The following TRIM26 variants were observed in gnomAD, a reference collection of about 807,000 sequenced individuals.
The protein encoded by TRIM26 is tripartite motif-containing protein 26.
TRIM26 carries 16 observed loss-of-function variants against 45.5 expected under a neutral mutation model. The ratio of observed to expected loss-of-function variants is 0.35; its 90% CI spans 0.24 to 0.53. The LOEUF is 0.53. Ranked by LOEUF, TRIM26 falls within the 20% of genes least tolerant of loss-of-function variation. The pLI, the probability that TRIM26 is intolerant of heterozygous loss-of-function variation, is 0.92. For synonymous variants in TRIM26, 273 were observed against 290.4 expected, an observed-to-expected ratio of 0.94 and a Z score of 0.61; for missense variants, 442 against 691.1, an observed-to-expected ratio of 0.64 and a Z score of 4.04.
chr6:30,202,151 T>C (rs1777244384), intron 2 of TRIM26, among the ~76,000 whole-genome samples: 1 of 141,958 alleles, frequency 7.0e-6, no homozygotes, highest in African/African-American at 2.8e-5. Flanking sequence ...AAAAGGACTA[T>C]GAAGAGCTCA....
intron 6 of TRIM26, among the ~76,000 whole-genome samples, chr6:30,195,852 GGTAA>G (rs1196111495): frequency 2.6e-5 from 4 of 152,136 alleles, no homozygotes; most frequent in African/African-American, 9.7e-5. Flanking sequence ...CCCTCTTCAG[GGTAA>G]GTGTGATCCC....
chr6:30,204,989 C>G (rs1184184088), intron 1 of TRIM26, among the ~76,000 whole-genome samples: 1 of 152,060 alleles, frequency 6.6e-6, no homozygotes, highest in Non-Finnish European at 1.5e-5. Context: ...TGCCTGTAAT[C>G]CTAGCACTCT....
In TRIM26 at chr6:30,190,627, C is replaced by T. The variant is rs1435572033; in HGVS notation, c.766-592G>A. On this transcript the variant is annotated intron_variant, in intron 6 of 9. Coordinates refer to ENST00000454678, the MANE Select transcript of TRIM26 (RefSeq NM_003449.5). This position sits in a 1 kb window ranked among gnomAD's most constrained non-coding sequence, Gnocchi z 4.3. ...CCTACGACAAGGTCTGGTCATGAGA[C>T]TAAGTTCCAGCCAATGGAATGTGAT... 1.3e-5 allele frequency among the ~76,000 whole-genome samples: 2 copies of T among 152,182 alleles called. No individual in the cohort carries two copies. Among genetic ancestry groups the T allele is most frequent in the Non-Finnish European group, 1.5e-5 (1 of 68,028 alleles).
chr6:30,201,302 T>C (rs959139846), intron 2 of TRIM26, among the ~76,000 whole-genome samples, 164 bp from the exon 3 acceptor site: 5 of 152,312 alleles, frequency 3.3e-5, no homozygotes, highest in African/African-American at 9.6e-5. Flanking sequence ...CGTCCACTCA[T>C]TGAGGGTCTA....
At position 30,189,658 on chromosome 6, in the gene TRIM26, A is replaced by T. The variant is rs2127486875; in HGVS notation, c.789-125T>A. ...AGGTATGATTATCCCCAAACAAGTG[A>T]CAGAAAAACAGTGGCCCAAAGACAC... On this transcript the variant is annotated intron_variant, in intron 7 of 9. Transcript: ENST00000454678. This position sits in a 1 kb window ranked among gnomAD's most constrained non-coding sequence, Gnocchi z 5.0. The T allele has an allele frequency of 1.2e-6, 1 of 835,770 alleles. No individual in the cohort carries two copies. The highest frequency in any genetic ancestry group is 1.7e-5 in the African/African-American group (1 of 59,276). The allele number at this position is 835,770 out of a possible 1,614,324, so 51.8% of individuals were successfully genotyped here.
chr6:30,187,437 T>C (rs1775305685), intron 9 of TRIM26: 30 of 497,434 alleles, frequency 6.0e-5, no homozygotes, highest in South Asian at 4.5e-4. Flanking sequence ...CTCCAGGTTA[T>C]GATAAAGCTC....
Position 30,184,761 on chromosome 6 carries a change from C to G in TRIM26, c.*1115G>C, listed in dbSNP as rs562968978. The stretch of plus-strand genomic sequence containing the variant: ...GCACTTGGAATGGGTAAGGACAAGA[C>G]TGGGAGATCAATTTGGCTGGAGCAG... On this transcript the variant is annotated 3_prime_UTR_variant, in exon 10 of 10. Transcript: ENST00000454678. 6.5e-6 allele frequency: 1 copy of G among 153,268 alleles called. No homozygotes were observed. Among genetic ancestry groups the G allele is most frequent in the East Asian group, 1.9e-4 (1 of 5,194 alleles). 9.5% of individuals were successfully genotyped at this position (153,268 alleles called of 1,614,324 possible).
At chr6:30,210,634 T>C (rs1778192572) in intron 1 of TRIM26, among the ~76,000 whole-genome samples, 1 of 152,204 alleles carries the variant, frequency 6.6e-6, no homozygotes, top group South Asian at 2.1e-4. Context: ...CCCCAGTGGA[T>C]GTCTGAAACC....
rs779145805 is a variant in TRIM26, at chr6:30,196,382, C to G, written c.765+134G>C. 5 of 783,212 alleles carry G rather than the reference C, an allele frequency of 6.4e-6. No homozygotes were observed. Among genetic ancestry groups the G allele is most frequent in the Non-Finnish European group, 1.0e-5 (5 of 491,148 alleles). The allele number at this position is 783,212 out of a possible 1,614,324, so 48.5% of individuals were successfully genotyped here. ...ATGCAATCTACAGACTAATTGGCAGCAGTAAGGATTATCATCTCCATGTTT... is the reference window on the plus strand; with the variant it reads ...ATGCAATCTACAGACTAATTGGCAGGAGTAAGGATTATCATCTCCATGTTT... On this transcript the variant is annotated intron_variant, in intron 6 of 9. Transcript: ENST00000454678. This position sits in a 1 kb window ranked among gnomAD's most constrained non-coding sequence, Gnocchi z 4.9.
intron 2 of TRIM26, among the ~76,000 whole-genome samples, chr6:30,202,138 A>C (rs547225681): frequency 6.9e-6 from 1 of 144,276 alleles, no homozygotes; most frequent in Non-Finnish European, 1.5e-5. Flanking sequence ...AAATAAGAAC[A>C]ATAAAAGGAC....
In TRIM26 at chr6:30,196,580, C is replaced by G. The variant is rs141928617; in HGVS notation, c.701G>C (p.Arg234Pro). The change falls in exon 6 of 10, where the codon CGG becomes CCG. Residue 234 changes from arginine (R) to proline (P), a missense_variant. Arg to Pro is a moderately radical substitution (Grantham distance 103). Transcript: ENST00000454678. This position sits in a 1 kb window ranked among gnomAD's most constrained non-coding sequence, Gnocchi z 4.9. ...CAGTTCGGAGATGACCAGGGCCAGC[C>G]GGGCAAGCTCCCCGACGCCCCGGCT... ...FKSRGVGELA[R>P]LALVISELEG... The G allele has an allele frequency of 6.2e-7, 1 of 1,612,844 alleles. No individual in the cohort carries two copies. Among genetic ancestry groups the G allele is most frequent in the South Asian group, 1.1e-5 (1 of 91,082 alleles).
intron 6 of TRIM26, among the ~76,000 whole-genome samples, chr6:30,193,182 A>ATTTTTTT (rs59857727): frequency 3.1e-4 from 12 of 38,818 alleles, no homozygotes; most frequent in South Asian, 1.1e-3. Flanking sequence ...ATATATATAT[A>ATTTTTTT]TTTTTTTTTT....
chr6:30,203,250 G>A (rs1282621715), intron 2 of TRIM26, among the ~76,000 whole-genome samples: 1 of 151,628 alleles, frequency 6.6e-6, no homozygotes, highest in African/African-American at 2.4e-5. Context: ...CCACTATATT[G>A]CCCAGGCTGG....
rs149200173 is a variant in TRIM26 at position 30,201,959 on chromosome 6, G to A, written c.-265-821C>T. ...TTTTCAGTTGTAACATACTGCAAGT[G>A]TTTGGAAAGAGGAAAAAGGAGTGGT... On this transcript the variant is annotated intron_variant, in intron 2 of 9. Transcript: ENST00000454678. Among the ~76,000 whole-genome samples the A allele has an allele frequency of 7.2e-3, 1,090 of 152,330 alleles. 42 individuals carry two copies. The South Asian group carries it at 0.12, about 17-fold the overall frequency.
rs1351780728 is a variant in TRIM26 at position 30,209,672 on chromosome 6, C to T, written c.-376+3633G>A. Among the ~76,000 whole-genome samples, 1 of 152,044 alleles carries T rather than the reference C, an allele frequency of 6.6e-6. No homozygotes were observed. The highest frequency in any genetic ancestry group is 6.5e-5 in the Admixed American group (1 of 15,270). On this transcript the variant is annotated intron_variant, in intron 1 of 9. Transcript: ENST00000454678. The surrounding 1 kb of genome is among the most constrained non-coding windows in gnomAD (Gnocchi z 4.8). ...CTGCCAGGATCATCCTTCTAGCACA[C>T]AGGATCTCATCCTTGTTATTCTCCT...
intron 1 of TRIM26, among the ~76,000 whole-genome samples, chr6:30,205,625 C>A (rs1195330367): frequency 6.6e-6 from 1 of 152,144 alleles, no homozygotes; most frequent in Non-Finnish European, 1.5e-5. Flanking sequence ...ACTGCCTGAG[C>A]CCAGGAGTTT....
chr6:30,188,648 T>A (rs113326220), intron 9 of TRIM26: 197 of 221,214 alleles, frequency 8.9e-4, no homozygotes, highest in African/African-American at 3.8e-3. Flanking sequence ...CGAAAGCAAG[T>A]GTGAAAGTGA....
chr6:30,208,367 C>T (rs574447649), intron 1 of TRIM26, among the ~76,000 whole-genome samples: 11 of 152,286 alleles, frequency 7.2e-5, no homozygotes, highest in Admixed American at 6.5e-5. Context: ...GAAGAAAAAG[C>T]TGTGTCTGAG....
rs937304034 is a variant in TRIM26, at chr6:30,189,162, C to T, written c.937+5G>A. 1.2e-6 allele frequency: 2 copies of T among 1,612,628 alleles called. No individual in the cohort carries two copies. Among genetic ancestry groups the T allele is most frequent in the Non-Finnish European group, 8.5e-7 (1 of 1,179,926 alleles). ...ACATCTGGGAAACACCCTCTAGACA[C>T]TCACCTGTCTTATATTCCAAGTCTC... is the stretch of plus-strand genomic sequence containing the variant. On this transcript the variant is annotated splice_donor_5th_base_variant and intron_variant, in intron 9 of 9. Coordinates refer to ENST00000454678, the MANE Select transcript of TRIM26 (RefSeq NM_003449.5). The surrounding 1 kb of genome is among the most constrained non-coding windows in gnomAD (Gnocchi z 5.0).
Sources: gnomAD v4.1 joint callset for allele counts (sites outside exome capture counted in the v4.1 genomes callset) on GRCh38, gnomAD v4.1.1 for gene constraint, Gnocchi (gnomAD v3.1) non-coding constraint, MANE v1.5 for transcripts, NCBI Gene and HGNC (gene_info 2026-07-23, HGNC 2026-07-21) for gene names.